The following AKAIN1 variants were observed in gnomAD, a reference collection of about 807,000 sequenced individuals.
The protein encoded by AKAIN1 is A-kinase anchor inhibitor 1.
A neutral mutation model predicts 3.7 loss-of-function variants in AKAIN1; 3 were observed. The ratio of observed to expected loss-of-function variants is 0.82; its 90% CI spans 0.37 to 2.12. AKAIN1 has a LOEUF of 2.12. Among genes scored for constraint, AKAIN1 ranks in the 30% most tolerant of loss-of-function variants. The pLI is 0.06. For missense variants in AKAIN1, 82 were observed against 82.7 expected (o/e 0.99, Z 0.03); for synonymous variants, 31 against 30.8 (o/e 1.01, Z -0.02).
Position 5,169,558 on chromosome 18 carries a change from A to G in AKAIN1, c.17-23803T>C, listed in dbSNP as rs187009653. Among the ~76,000 whole-genome samples, 585 of 152,198 alleles carry G rather than the reference A, an allele frequency of 3.8e-3. 4 individuals are homozygous for G. The highest frequency in any genetic ancestry group is 0.013 in the African/African-American group (551 of 41,540). ...CCAAGCACAATTGGCATAGGAGTTG[A>G]AATCTACTAGTTGTCCATAGCCTGG... is the stretch of plus-strand genomic sequence containing the variant. On this transcript the variant is annotated intron_variant, in intron 1 of 1. Coordinates refer to ENST00000434239, the MANE Select transcript of AKAIN1 (RefSeq NM_001145194.2).
intron 1 of AKAIN1, among the ~76,000 whole-genome samples, chr18:5,155,253 T>C (rs967789768): frequency 5.3e-5 from 8 of 152,138 alleles, no homozygotes; most frequent in African/African-American, 1.9e-4. Flanking sequence ...GGCTGTGCAG[T>C]GAGGGTTTTG....
intron 1 of AKAIN1, among the ~76,000 whole-genome samples, chr18:5,190,360 T>C (rs2071312019): frequency 6.6e-6 from 1 of 152,130 alleles, no homozygotes; most frequent in South Asian, 2.1e-4. Context: ...ACTGTATTCA[T>C]GAAAATTCAA....
chr18:5,153,881 G>A (rs1293581399), intron 1 of AKAIN1, among the ~76,000 whole-genome samples: 2 of 151,918 alleles, frequency 1.3e-5, no homozygotes, highest in Non-Finnish European at 2.9e-5. Context: ...TGTAGAAAGG[G>A]GGAGGCTGTG....
intron 1 of AKAIN1, among the ~76,000 whole-genome samples, chr18:5,175,774 A>G (rs1475308154): frequency 6.6e-6 from 1 of 152,202 alleles, no homozygotes; most frequent in East Asian, 1.9e-4. Context: ...ACAGTATTAA[A>G]ATGAATAATA....
chr18:5,145,769 TGAAAAGGAGGG>T lies in AKAIN1; in HGVS notation c.17-25_17-15del. On this transcript the variant is annotated splice_polypyrimidine_tract_variant and intron_variant, in intron 1 of 1. Coordinates refer to ENST00000434239, the MANE Select transcript of AKAIN1 (RefSeq NM_001145194.2). Reference sequence around the variant, plus strand: ...CAGGTTTCTCACCTAGCCAAAAACATGAAAAGGAGGGGAAAAGGAGAGAAATTAATTTCAGG... The same window carrying T: ...CAGGTTTCTCACCTAGCCAAAAACATGAAAAGGAGAGAAATTAATTTCAGG... 1 of 1,542,600 alleles carries T rather than the reference TGAAAAGGAGGG, an allele frequency of 6.5e-7. No individual in the cohort carries two copies. The highest frequency in any genetic ancestry group is 8.8e-7 in the Non-Finnish European group (1 of 1,140,168).
At chr18:5,197,266 A>C, upstream of AKAIN1, 1 of 1,374,608 alleles carries the variant, frequency 7.3e-7, no homozygotes, top group Non-Finnish European at 9.3e-7. This position sits in a 1 kb window ranked among gnomAD's most constrained non-coding sequence, Gnocchi z 6.9. Flanking sequence ...ATGCGGCCAC[A>C]GCGGCGGCGG....
At chr18:5,151,017 C>G (rs1717875426) in intron 1 of AKAIN1, among the ~76,000 whole-genome samples, 1 of 151,934 alleles carries the variant, frequency 6.6e-6, no homozygotes, top group Non-Finnish European at 1.5e-5. Flanking sequence ...AGATAGGGCA[C>G]CAGAGGTTGT....
intron 1 of AKAIN1, among the ~76,000 whole-genome samples, chr18:5,185,439 A>G (rs1028914354): frequency 6.6e-6 from 1 of 152,144 alleles, no homozygotes; most frequent in Non-Finnish European, 1.5e-5. Context: ...ATATTTACGA[A>G]CTATGCATCC....
chr18:5,160,877 T>A (rs2071135326), intron 1 of AKAIN1, among the ~76,000 whole-genome samples: 1 of 152,208 alleles, frequency 6.6e-6, no homozygotes, highest in Non-Finnish European at 1.5e-5. Flanking sequence ...TGTGGTGGGC[T>A]GTTTTTAAAT....
chr18:5,176,083 A>T (rs1377176134), intron 1 of AKAIN1, among the ~76,000 whole-genome samples: 1 of 152,126 alleles, frequency 6.6e-6, no homozygotes, highest in African/African-American at 2.4e-5. Flanking sequence ...GGAGAGAGGA[A>T]CAAAATCACC....
At chr18:5,197,441 C>T, upstream of AKAIN1, 1 of 1,237,770 alleles carries the variant, frequency 8.1e-7, no homozygotes. This position sits in a 1 kb window ranked among gnomAD's most constrained non-coding sequence, Gnocchi z 6.9. Flanking sequence ...CAGTGAATTG[C>T]TTTTAATTAC....
chr18:5,183,313 G>A (rs1239551201), intron 1 of AKAIN1, among the ~76,000 whole-genome samples: 1 of 151,936 alleles, frequency 6.6e-6, no homozygotes, highest in Non-Finnish European at 1.5e-5. Flanking sequence ...TATTCATACA[G>A]ACAAAGGATA....
intron 1 of AKAIN1, among the ~76,000 whole-genome samples, chr18:5,154,496 C>A (rs1467225589): frequency 6.6e-6 from 1 of 151,966 alleles, no homozygotes; most frequent in Non-Finnish European, 1.5e-5. Context: ...CCAAGAGTTT[C>A]TTTTTTCTTG....
chr18:5,156,547 C>T (rs925085833), intron 1 of AKAIN1, among the ~76,000 whole-genome samples: 10 of 152,192 alleles, frequency 6.6e-5, no homozygotes, highest in Non-Finnish European at 1.2e-4. Flanking sequence ...CTTTTGAAGA[C>T]GATTCCTTTG....
In AKAIN1 at chr18:5,145,468, T is replaced by C. The variant is rs2071043148; in HGVS notation, c.*94A>G. ...TTCTACAGCTAGGTGCCGGTGACAC[T>C]TCGGTTTGCTTTACTGGCAACATTT... On this transcript the variant is annotated 3_prime_UTR_variant, in exon 2 of 2. Transcript: ENST00000434239. 4.9e-6 allele frequency: 5 copies of C among 1,012,428 alleles called. No homozygotes were observed. The highest frequency in any genetic ancestry group is 7.3e-6 in the Non-Finnish European group (5 of 686,816). 62.7% of individuals were successfully genotyped at this position (1,012,428 alleles called of 1,614,324 possible). A position where few individuals can be genotyped will look rare whatever the true frequency, so the allele number is the denominator to read the frequency against.
At chr18:5,157,759 A>AGTGGCAT (rs1201874052) in intron 1 of AKAIN1, among the ~76,000 whole-genome samples, 1 of 152,130 alleles carries the variant, frequency 6.6e-6, no homozygotes, top group African/African-American at 2.4e-5. Context: ...GCTGGAGTGC[A>AGTGGCAT]GTGGCATGAT....
intron 1 of AKAIN1, among the ~76,000 whole-genome samples, chr18:5,172,620 G>A (rs980387888): frequency 4.0e-5 from 6 of 151,714 alleles, no homozygotes; most frequent in Non-Finnish European, 8.8e-5. Context: ...TTTACCAAAG[G>A]CTAAATGATT....
At chr18:5,186,197 A>T (rs1018127088) in intron 1 of AKAIN1, among the ~76,000 whole-genome samples, 10 of 152,110 alleles carry the variant, frequency 6.6e-5, no homozygotes, top group Admixed American at 2.6e-4. Flanking sequence ...CAAAGAAGGG[A>T]ACAACAGATA....
rs959618801 is a variant in AKAIN1, at chr18:5,197,173, G to A, written c.-120C>T. 4.1e-5 allele frequency: 62 copies of A among 1,509,160 alleles called. No homozygotes were observed. Among genetic ancestry groups the A allele is most frequent in the Admixed American group, 1.0e-4 (5 of 48,882 alleles). 93.5% of individuals were successfully genotyped at this position (1,509,160 alleles called of 1,614,324 possible). On this transcript the variant is annotated 5_prime_UTR_variant, in exon 1 of 2. Transcript: ENST00000434239. The surrounding 1 kb of genome is among the most constrained non-coding windows in gnomAD (Gnocchi z 6.9). Reference sequence around the variant, plus strand: ...AGGGCGCGCTGGGCGGGCGGCGGGCGGGGCGGTCAGCACCCCGGACAGCTC... The same window carrying A: ...AGGGCGCGCTGGGCGGGCGGCGGGCAGGGCGGTCAGCACCCCGGACAGCTC...
Sources: gnomAD v4.1 joint callset for allele counts (sites outside exome capture counted in the v4.1 genomes callset) on GRCh38, gnomAD v4.1.1 for gene constraint, Gnocchi (gnomAD v3.1) non-coding constraint, MANE v1.5 for transcripts, NCBI Gene and HGNC (gene_info 2026-07-23, HGNC 2026-07-21) for gene names.